The following GLRA1 variants were observed in gnomAD, a reference collection of about 807,000 sequenced individuals.
GLRA1 encodes glycine receptor alpha 1.
GLRA1 carries 37 observed loss-of-function variants against 48.3 expected under a neutral mutation model. The observed-to-expected ratio is 0.77, with a 90% CI of 0.59 to 1.01. The LOEUF is 1.01. Among genes scored for constraint, GLRA1 ranks in the 50% least tolerant of loss-of-function variants. GLRA1 has a pLI of 0.00. For synonymous variants in GLRA1, 196 were observed against 210.7 expected (o/e 0.93, Z 0.60); for missense variants, 427 against 571.0 (o/e 0.75, Z 2.57).
intron 3 of GLRA1, among the ~76,000 whole-genome samples, chr5:151,881,007 A>G (rs1449196770): frequency 2.0e-5 from 3 of 152,272 alleles, no homozygotes; most frequent in Admixed American, 6.5e-5. Flanking sequence ...ATAGAAATAC[A>G]CATACTTATA....
chr5:151,864,359 T>TA (rs1704164404), intron 3 of GLRA1, among the ~76,000 whole-genome samples: 1 of 152,228 alleles, frequency 6.6e-6, no homozygotes, highest in African/African-American at 2.4e-5. Context: ...CCGTTCTAGA[T>TA]ACTGTCACAT....
At chr5:151,922,061 T>C (rs758230884) in intron 1 of GLRA1, among the ~76,000 whole-genome samples, 3 of 152,218 alleles carry the variant, frequency 2.0e-5, no homozygotes, top group African/African-American at 4.8e-5. Context: ...TATGTGCTGA[T>C]GCAGCATGTC....
At chr5:151,916,265 T>C (rs1754738642) in intron 1 of GLRA1, among the ~76,000 whole-genome samples, 1 of 152,122 alleles carries the variant, frequency 6.6e-6, no homozygotes, top group Admixed American at 6.5e-5. Context: ...ATTTTTAAGG[T>C]GATTGGGCAG....
chr5:151,828,892 C>T (rs1763342798), intron 8 of GLRA1, 29 bp downstream of exon 8: 1 of 1,603,558 alleles, frequency 6.2e-7, no homozygotes, highest in African/African-American at 1.3e-5. Context: ...AACAGCTGTC[C>T]CTCCTTAGGC....
chr5:151,880,592 ACTCTCT>A (rs36081655), intron 3 of GLRA1, among the ~76,000 whole-genome samples: 57 of 150,386 alleles, frequency 3.8e-4, no homozygotes, highest in African/African-American at 1.2e-3. Context: ...GTCAACACAC[ACTCTCT>A]CTCTCTCTCT....
intron 1 of GLRA1, among the ~76,000 whole-genome samples, chr5:151,907,109 T>C (rs1754490680): frequency 6.6e-6 from 1 of 152,142 alleles, no homozygotes; most frequent in South Asian, 2.1e-4. Context: ...CTTACTTGGG[T>C]GTTCTGGAAA....
chr5:151,892,281 C>T, intron 2 of GLRA1, 30 bp downstream of exon 2: 1 of 1,610,200 alleles, frequency 6.2e-7, no homozygotes. Context: ...AAGCATTTCC[C>T]TGTGGGTCTG....
chr5:151,878,811 G>A (rs1190183800), intron 3 of GLRA1, among the ~76,000 whole-genome samples: 5 of 152,220 alleles, frequency 3.3e-5, no homozygotes, highest in African/African-American at 9.6e-5. Flanking sequence ...TTCAGAAGGT[G>A]TATGGAAACC....
At chr5:151,900,850 T>A (rs1021499439) in intron 1 of GLRA1, among the ~76,000 whole-genome samples, 1 of 152,208 alleles carries the variant, frequency 6.6e-6, no homozygotes, top group Admixed American at 6.5e-5. Flanking sequence ...CACAAACGTC[T>A]TTTCAGCCTC....
At chr5:151,861,627 A>C (rs1355419165) in intron 3 of GLRA1, among the ~76,000 whole-genome samples, 2 of 152,142 alleles carry the variant, frequency 1.3e-5, no homozygotes, top group African/African-American at 4.8e-5. Context: ...TCTTGATATT[A>C]GCCCTTTGTC....
At chr5:151,826,480 T>C (rs1164738371) in intron 8 of GLRA1, among the ~76,000 whole-genome samples, 1 of 152,202 alleles carries the variant, frequency 6.6e-6, no homozygotes, top group African/African-American at 2.4e-5. Context: ...TGGTTAATGT[T>C]TGGAGAAGAA....
chr5:151,917,558 A>G (rs920391108), intron 1 of GLRA1, among the ~76,000 whole-genome samples: 1 of 152,226 alleles, frequency 6.6e-6, no homozygotes, highest in African/African-American at 2.4e-5. Flanking sequence ...GCCATAAACT[A>G]TCAATCACCC....
chr5:151,892,159 G>A lies in GLRA1; in HGVS notation c.184+152C>T, dbSNP rs528764598. ...TTTGTCTGGGCTTGGTGGGAGAGAA[G>A]ACTGAATTGATTAAGAATGTCTGCC... On this transcript the variant is annotated intron_variant, in intron 2 of 8. Transcript: ENST00000274576. 4.0e-6 allele frequency: 3 copies of A among 752,074 alleles called. No individual in the cohort carries two copies. In the South Asian group the frequency reaches 4.8e-5, roughly 12 times the overall value. The allele number at this position is 752,074 out of a possible 1,614,324, so 46.6% of individuals were successfully genotyped here.
At chr5:151,909,646 T>A (rs916532405) in intron 1 of GLRA1, among the ~76,000 whole-genome samples, 4 of 152,222 alleles carry the variant, frequency 2.6e-5, no homozygotes, top group Admixed American at 2.0e-4. Context: ...ATTGGTAAGT[T>A]CTGGTCCCTA....
chr5:151,886,108 T>G (rs1268170394), intron 3 of GLRA1, among the ~76,000 whole-genome samples: 1 of 152,344 alleles, frequency 6.6e-6, no homozygotes, highest in East Asian at 1.9e-4. Context: ...TAAAATATCA[T>G]TACACTTATT....
intron 1 of GLRA1, among the ~76,000 whole-genome samples, chr5:151,911,887 C>T (rs943968531): frequency 6.6e-6 from 1 of 152,110 alleles, no homozygotes; most frequent in Non-Finnish European, 1.5e-5. Flanking sequence ...GAATTACAGG[C>T]GTGAGCCACC....
intron 7 of GLRA1, among the ~76,000 whole-genome samples, chr5:151,835,731 C>T (rs1007479507): frequency 1.3e-5 from 2 of 152,178 alleles, no homozygotes; most frequent in Non-Finnish European, 2.9e-5. Flanking sequence ...TCAATAGATG[C>T]AGAAAAGGCC....
intron 1 of GLRA1, among the ~76,000 whole-genome samples, chr5:151,897,963 C>T (rs187700976): frequency 2.0e-5 from 3 of 152,282 alleles, no homozygotes; most frequent in Non-Finnish European, 4.4e-5. Context: ...ATTTGTCACA[C>T]TAAGAGATTT....
At chr5:151,876,890 A>G (rs1221986348) in intron 3 of GLRA1, among the ~76,000 whole-genome samples, 1 of 152,146 alleles carries the variant, frequency 6.6e-6, no homozygotes, top group East Asian at 1.9e-4. Flanking sequence ...GCCCTAATTC[A>G]GTAGGATTTG....
Sources: allele counts gnomAD v4.1 joint callset (sites outside exome capture counted in the v4.1 genomes callset), GRCh38; gene constraint gnomAD v4.1.1; transcripts MANE v1.5; gene names NCBI Gene and HGNC (gene_info 2026-07-23, HGNC 2026-07-21).